MAGI2: variants seen among roughly 807,000 people sequenced by gnomAD.
The protein encoded by MAGI2 is membrane associated guanylate kinase, WW and PDZ domain containing 2, also known as membrane-associated guanylate kinase, WW and PDZ domain-containing protein 2.
In MAGI2, 35 loss-of-function variants were observed where a neutral mutation model predicts 133.3. That is an observed-to-expected ratio of 0.26 (90% confidence interval 0.20 to 0.35). The LOEUF is 0.35. Among genes scored for constraint, MAGI2 ranks in the 10% least tolerant of loss-of-function variants. The pLI, the probability that MAGI2 is intolerant of heterozygous loss-of-function variation, is 1.00. For missense variants in MAGI2, 1,636 were observed against 1,863.4 expected (o/e 0.88, Z 2.25); for synonymous variants, 729 against 710.6 (o/e 1.03, Z -0.41).
At chr7:78,644,661 G>A (rs1810658796) in intron 2 of MAGI2, among the ~76,000 whole-genome samples, 1 of 152,122 alleles carries the variant, frequency 6.6e-6, no homozygotes, top group East Asian at 1.9e-4. Flanking sequence ...GAATTCAAGA[G>A]AAATGTTTAA....
intron 4 of MAGI2, among the ~76,000 whole-genome samples, chr7:78,515,203 T>C (rs1184038465): frequency 6.6e-6 from 1 of 152,230 alleles, no homozygotes; most frequent in African/African-American, 2.4e-5. Context: ...CTGGTTTACA[T>C]GATCTTGCTT....
intron 3 of MAGI2, among the ~76,000 whole-genome samples, chr7:78,608,098 G>T (rs1806020912): frequency 6.6e-6 from 1 of 152,158 alleles, no homozygotes; most frequent in African/African-American, 2.4e-5. Flanking sequence ...CCCAAGCATG[G>T]CCTTTTGATT....
intron 3 of MAGI2, among the ~76,000 whole-genome samples, chr7:78,538,177 T>G (rs1229327737): frequency 6.6e-6 from 1 of 152,246 alleles, no homozygotes; most frequent in Admixed American, 6.5e-5. Context: ...TGCTGTTCCA[T>G]TGGTCCCTGT....
intron 3 of MAGI2, among the ~76,000 whole-genome samples, chr7:78,536,746 T>TTTG (rs1797973327): frequency 7.6e-6 from 1 of 131,612 alleles, no homozygotes; most frequent in Non-Finnish European, 1.6e-5. Flanking sequence ...GTTTTTTTTT[T>TTTG]GTTTTTGTTG....
intron 1 of MAGI2, among the ~76,000 whole-genome samples, chr7:79,445,261 A>C (rs1291355422): frequency 9.9e-5 from 15 of 152,212 alleles, no homozygotes; most frequent in African/African-American, 3.4e-4. Flanking sequence ...AGGGGCAAGG[A>C]CTTCATGTCT....
At chr7:79,031,031 A>G (rs1052098352) in intron 1 of MAGI2, among the ~76,000 whole-genome samples, 2 of 152,182 alleles carry the variant, frequency 1.3e-5, no homozygotes, top group African/African-American at 2.4e-5. Flanking sequence ...CTAGCACCTT[A>G]TCAGCATGCT....
intron 6 of MAGI2, among the ~76,000 whole-genome samples, chr7:78,430,725 A>G (rs762553088): frequency 2.0e-5 from 3 of 152,048 alleles, no homozygotes; most frequent in African/African-American, 7.2e-5. Flanking sequence ...TAATTTGTCT[A>G]TTTCCTGAGA....
At chr7:79,189,148 G>T (rs1244322135) in intron 1 of MAGI2, among the ~76,000 whole-genome samples, 1 of 151,310 alleles carries the variant, frequency 6.6e-6, no homozygotes, top group Non-Finnish European at 1.5e-5. Flanking sequence ...TAGGTCAAAG[G>T]CTAGATATTT....
At chr7:78,905,110 T>C (rs543378718) in intron 2 of MAGI2, among the ~76,000 whole-genome samples, 1 of 152,292 alleles carries the variant, frequency 6.6e-6, no homozygotes, top group East Asian at 1.9e-4. Context: ...ATCTTATCCC[T>C]AGGCTTACTC....
chr7:78,904,524 TC>T (rs1797853092), intron 2 of MAGI2, among the ~76,000 whole-genome samples: 1 of 125,418 alleles, frequency 8.0e-6, no homozygotes, highest in African/African-American at 3.4e-5. Context: ...ATAACGCAGT[TC>T]TTTTTTTTTT....
rs1307395103 is a variant in MAGI2 at position 78,017,260 on chromosome 7, A to T, written c.*2055T>A. 1 of 152,682 alleles carries T rather than the reference A, an allele frequency of 6.5e-6. No homozygotes were observed. The highest frequency in any genetic ancestry group is 6.5e-5 in the Admixed American group (1 of 15,288). 9.5% of individuals were successfully genotyped at this position (152,682 alleles called of 1,614,324 possible). Reference sequence around the variant, plus strand: ...ATACAGCTGTACAGGGTAAATTCACAGCTAACACTACACAAATATTATTTG... The same window carrying T: ...ATACAGCTGTACAGGGTAAATTCACTGCTAACACTACACAAATATTATTTG... On this transcript the variant is annotated 3_prime_UTR_variant, in exon 22 of 22. Transcript: ENST00000354212.
chr7:78,233,787 C>T (rs1051487828), intron 10 of MAGI2, among the ~76,000 whole-genome samples: 12 of 152,076 alleles, frequency 7.9e-5, no homozygotes, highest in African/African-American at 1.2e-4. Context: ...AGAGTGACTT[C>T]CTTCCAGAGC....
intron 2 of MAGI2, among the ~76,000 whole-genome samples, chr7:78,807,416 C>T (rs762070128): frequency 2.0e-5 from 3 of 152,046 alleles, no homozygotes; most frequent in Non-Finnish European, 4.4e-5. Flanking sequence ...TCTTTAATGT[C>T]TGGGTTAATA....
chr7:78,260,069 C>G (rs1793370519), intron 9 of MAGI2, among the ~76,000 whole-genome samples: 1 of 152,094 alleles, frequency 6.6e-6, no homozygotes, highest in Non-Finnish European at 1.5e-5. Context: ...GATGAGTGGT[C>G]AGTTATCACA....
At chr7:79,171,727 C>A in intron 1 of MAGI2, among the ~76,000 whole-genome samples, 1 of 88,714 alleles carries the variant, frequency 1.1e-5, no homozygotes, top group Non-Finnish European at 2.4e-5. Flanking sequence ...TAAAATTAAG[C>A]AAGACAATAG....
chr7:78,400,254 C>T (rs1161120208), intron 6 of MAGI2, among the ~76,000 whole-genome samples: 8 of 152,108 alleles, frequency 5.3e-5, no homozygotes, highest in East Asian at 3.9e-4. Flanking sequence ...CATAATGGTC[C>T]GTTGTGACTG....
chr7:78,960,449 T>C (rs1203273611), intron 2 of MAGI2, among the ~76,000 whole-genome samples: 2 of 152,118 alleles, frequency 1.3e-5, no homozygotes, highest in Non-Finnish European at 2.9e-5. Context: ...ATAATAATCA[T>C]GAATATTTTC....
At chr7:78,804,484 C>A (rs1353854635) in intron 2 of MAGI2, among the ~76,000 whole-genome samples, 1 of 151,214 alleles carries the variant, frequency 6.6e-6, no homozygotes, top group Non-Finnish European at 1.5e-5. Flanking sequence ...CACGGTGGCT[C>A]ACGCCTGTAA....
chr7:78,814,148 G>A (rs1789346362), intron 2 of MAGI2, among the ~76,000 whole-genome samples: 2 of 152,018 alleles, frequency 1.3e-5, no homozygotes, highest in African/African-American at 4.8e-5. Flanking sequence ...AGTGAGTTTG[G>A]TAATGTCATA....
Sources: allele counts gnomAD v4.1 joint callset (sites outside exome capture counted in the v4.1 genomes callset), GRCh38; gene constraint gnomAD v4.1.1; transcripts MANE v1.5; gene names NCBI Gene and HGNC (gene_info 2026-07-23, HGNC 2026-07-21).